The following UBE2E1 variants were observed in gnomAD, a reference collection of about 807,000 sequenced individuals.
UBE2E1 encodes the protein ubiquitin conjugating enzyme E2 E1.
UBE2E1 carries 6 observed loss-of-function variants against 21.4 expected under a neutral mutation model. The ratio of observed to expected loss-of-function variants is 0.28; its 90% CI spans 0.15 to 0.55. The LOEUF is 0.55. UBE2E1 is among the 20% of genes least tolerant of loss of function. The pLI is 0.93. For synonymous variants in UBE2E1, 87 were observed against 82.7 expected (o/e 1.05, Z -0.28); for missense variants, 142 against 236.5 (o/e 0.60, Z 2.62).
At chr3:23,871,024 CAGA>C (rs1700772849) in intron 3 of UBE2E1, among the ~76,000 whole-genome samples, 1 of 152,312 alleles carries the variant, frequency 6.6e-6, no homozygotes, top group Non-Finnish European at 1.5e-5. Flanking sequence ...GATCCCAAGG[CAGA>C]AGAATTTTTC....
chr3:23,874,971 C>T (rs1700885685), intron 3 of UBE2E1, among the ~76,000 whole-genome samples: 1 of 152,186 alleles, frequency 6.6e-6, no homozygotes, highest in Non-Finnish European at 1.5e-5. Flanking sequence ...ACTAATAACT[C>T]CTCATTCAGC....
At chr3:23,841,896 TAG>T (rs1049686605) in intron 3 of UBE2E1, among the ~76,000 whole-genome samples, 4 of 152,174 alleles carry the variant, frequency 2.6e-5, no homozygotes, top group Admixed American at 2.6e-4. Context: ...GTAGATGGTT[TAG>T]AGTTCTATTA....
rs185501947 is a variant in UBE2E1, at chr3:23,869,112, A to G, written c.204-18455A>G. Among the ~76,000 whole-genome samples the G allele has an allele frequency of 4.3e-4, 65 of 152,260 alleles. 1 individual carries two copies. The highest frequency in any genetic ancestry group is 1.5e-3 in the African/African-American group (64 of 41,552). On this transcript the variant is annotated intron_variant, in intron 3 of 5. Transcript: ENST00000306627. Reference sequence around the variant, plus strand: ...TTCCAAGAAGCAGAATTTCTATATCAAAGTGTTTACTGGAAATTTTTGCCA... The same window carrying G: ...TTCCAAGAAGCAGAATTTCTATATCGAAGTGTTTACTGGAAATTTTTGCCA...
At chr3:23,811,339 CTT>C in intron 2 of UBE2E1, 119 bp from the exon 3 acceptor site, 1 of 917,064 alleles carries the variant, frequency 1.1e-6, no homozygotes, top group Non-Finnish European at 1.8e-6. Flanking sequence ...TGTAGTTCCT[CTT>C]TGCCCAGTAG....
chr3:23,849,333 A>T (rs745889635), intron 3 of UBE2E1, among the ~76,000 whole-genome samples: 2 of 152,098 alleles, frequency 1.3e-5, no homozygotes, highest in South Asian at 2.1e-4. Context: ...TTTTAAAAAA[A>T]TTTTTAAATT....
At chr3:23,878,952 C>T (rs1700977751) in intron 3 of UBE2E1, 2 of 402,256 alleles carry the variant, frequency 5.0e-6, no homozygotes, top group Non-Finnish European at 4.9e-6. Flanking sequence ...AAAAGCAGCC[C>T]CTGGTGCAGA....
At chr3:23,854,005 C>A (rs1335847376) in intron 3 of UBE2E1, among the ~76,000 whole-genome samples, 1 of 152,142 alleles carries the variant, frequency 6.6e-6, no homozygotes, top group Admixed American at 6.5e-5. Flanking sequence ...TGCCTGTAAT[C>A]CCAGCACTTT....
chr3:23,849,372 G>A (rs1700274127), intron 3 of UBE2E1, among the ~76,000 whole-genome samples: 1 of 151,924 alleles, frequency 6.6e-6, no homozygotes, highest in Admixed American at 6.6e-5. Flanking sequence ...TAAGTTTTGG[G>A]ATACATGTGC....
At position 23,887,842 on chromosome 3, in the gene UBE2E1, C is replaced by T; in HGVS notation, c.336+143C>T. 1 of 1,161,714 alleles carries T rather than the reference C, an allele frequency of 8.6e-7. No individual in the cohort carries two copies. The highest frequency in any genetic ancestry group is 2.6e-5 in the East Asian group (1 of 38,400). The allele number at this position is 1,161,714 out of a possible 1,614,324, so 72.0% of individuals were successfully genotyped here. ...TCTGAGTATTTTAACATATACAAAA[C>T]ACTTCTTTAGGTTGATTTTGCCTTA... On this transcript the variant is annotated intron_variant, in intron 4 of 5. Transcript: ENST00000306627. The surrounding 1 kb of genome is among the most constrained non-coding windows in gnomAD (Gnocchi z 4.4).
At chr3:23,865,135 C>T (rs193087214) in intron 3 of UBE2E1, among the ~76,000 whole-genome samples, 2 of 152,304 alleles carry the variant, frequency 1.3e-5, no homozygotes, top group African/African-American at 2.4e-5. Flanking sequence ...CAGGGTCTCT[C>T]TTGGCTGTAG....
rs925932961 is a variant in UBE2E1, at chr3:23,853,794, A to T, written c.204-33773A>T. ...AATTCCTGGTGGTGGTTTTTCAGGG[A>T]TACCACCCAGTGACCATCTGTGGTG... On this transcript the variant is annotated intron_variant, in intron 3 of 5. Coordinates refer to ENST00000306627, the MANE Select transcript of UBE2E1 (RefSeq NM_003341.5). The surrounding 1 kb of genome is among the most constrained non-coding windows in gnomAD (Gnocchi z 4.1). 2.0e-5 allele frequency among the ~76,000 whole-genome samples: 3 copies of T among 152,132 alleles called. No individual in the cohort carries two copies. Among genetic ancestry groups the T allele is most frequent in the African/African-American group, 7.2e-5 (3 of 41,428 alleles).
At chr3:23,888,208 C>G (rs117536429) in intron 4 of UBE2E1, 1 of 456,944 alleles carries the variant, frequency 2.2e-6, no homozygotes, top group East Asian at 7.0e-5. Context: ...TGCTCCCTGT[C>G]ATGTTTTGGT....
At chr3:23,885,912 A>G (rs564260099) in intron 3 of UBE2E1, among the ~76,000 whole-genome samples, 14 of 150,434 alleles carry the variant, frequency 9.3e-5, no homozygotes, top group African/African-American at 3.4e-4. Flanking sequence ...TCTGTATCTA[A>G]AACAAACTTT....
chr3:23,859,796 G>T (rs1268662244), intron 3 of UBE2E1, among the ~76,000 whole-genome samples: 2 of 152,102 alleles, frequency 1.3e-5, no homozygotes, highest in African/African-American at 4.8e-5. Context: ...TAATGATTTG[G>T]CCTCAACCTG....
chr3:23,840,650 G>A (rs1417245640), intron 3 of UBE2E1, among the ~76,000 whole-genome samples: 1 of 152,158 alleles, frequency 6.6e-6, no homozygotes, highest in Non-Finnish European at 1.5e-5. Flanking sequence ...TCAGCCCTGT[G>A]CGAGCTCTGG....
chr3:23,860,607 C>T (rs1176458664), intron 3 of UBE2E1, among the ~76,000 whole-genome samples: 1 of 152,212 alleles, frequency 6.6e-6, no homozygotes, highest in African/African-American at 2.4e-5. Context: ...TGGCTCTTAA[C>T]AACAAGCACA....
chr3:23,834,749 A>C (rs1318293503), intron 3 of UBE2E1, among the ~76,000 whole-genome samples: 1 of 152,182 alleles, frequency 6.6e-6, no homozygotes, highest in African/African-American at 2.4e-5. Flanking sequence ...AAAGGAAAAA[A>C]AAACTTACAC....
In UBE2E1 at chr3:23,816,571, G is replaced by C. The variant is rs1391390263; in HGVS notation, c.203+5061G>C. On this transcript the variant is annotated intron_variant, in intron 3 of 5. Transcript: ENST00000306627. This position sits in a 1 kb window ranked among gnomAD's most constrained non-coding sequence, Gnocchi z 4.8. ...AATACAAAAAAATTAGCCGGGCATG[G>C]TGGCGGGCACCTGTAGTCCCAGCTA... Among the ~76,000 whole-genome samples, 1 of 152,126 alleles carries C rather than the reference G, an allele frequency of 6.6e-6. No homozygotes were observed. Among genetic ancestry groups the C allele is most frequent in the Admixed American group, 6.5e-5 (1 of 15,284 alleles).
intron 3 of UBE2E1, among the ~76,000 whole-genome samples, chr3:23,850,681 GTTTTT>G (rs550418701): frequency 1.9e-5 from 2 of 104,320 alleles, no homozygotes. Flanking sequence ...ACACCTGATT[GTTTTT>G]TTTTTTTTTT....
Sources: gnomAD v4.1 joint callset for allele counts (sites outside exome capture counted in the v4.1 genomes callset) on GRCh38, gnomAD v4.1.1 for gene constraint, Gnocchi (gnomAD v3.1) non-coding constraint, MANE v1.5 for transcripts, NCBI Gene and HGNC (gene_info 2026-07-23, HGNC 2026-07-21) for gene names.